MAPRE3: variants seen among roughly 807,000 people sequenced by gnomAD.
MAPRE3 encodes microtubule-associated protein RP/EB family member 3.
Under a neutral mutation model 30.5 loss-of-function variants are expected in MAPRE3, and 2 were observed. The ratio of observed to expected loss-of-function variants is 0.07; its 90% CI spans 0.03 to 0.21. MAPRE3 has a LOEUF of 0.21. MAPRE3 is among the 10% of genes least tolerant of loss of function. The pLI, the probability that MAPRE3 is intolerant of heterozygous loss-of-function variation, is 1.00. For synonymous variants in MAPRE3, 110 were observed against 127.7 expected (o/e 0.86, Z 0.93); for missense variants, 204 against 351.8 (o/e 0.58, Z 3.36).
At chr2:26,993,128 G>A (rs1666383750) in intron 1 of MAPRE3, among the ~76,000 whole-genome samples, 1 of 152,128 alleles carries the variant, frequency 6.6e-6, no homozygotes, top group Admixed American at 6.5e-5. Flanking sequence ...CCAGCACTTT[G>A]GAAGCCAAGG....
At chr2:27,005,083 GA>G (rs1231041806) in intron 1 of MAPRE3, among the ~76,000 whole-genome samples, 1 of 152,026 alleles carries the variant, frequency 6.6e-6, no homozygotes, top group Non-Finnish European at 1.5e-5. Context: ...AACTTCTGGG[GA>G]AAAAATGAAA....
chr2:27,007,426 C>G (rs1016897474), intron 1 of MAPRE3, among the ~76,000 whole-genome samples: 5 of 152,196 alleles, frequency 3.3e-5, no homozygotes, highest in Non-Finnish European at 5.9e-5. Flanking sequence ...TTTTGAATGG[C>G]CTGTGGTCTG....
chr2:26,991,121 G>A (rs947935007), intron 1 of MAPRE3, among the ~76,000 whole-genome samples: 5 of 152,244 alleles, frequency 3.3e-5, no homozygotes, highest in African/African-American at 1.2e-4. Context: ...AGGCGTGGTG[G>A]TGGGCGCCTG....
intron 1 of MAPRE3, among the ~76,000 whole-genome samples, chr2:26,995,825 G>GTGTGTGTGTGTGTGTGTGTGTGTGTGTA (rs1473997599): frequency 1.3e-5 from 2 of 149,226 alleles, no homozygotes; most frequent in East Asian, 4.2e-4. Flanking sequence ...GTGTGTGTGT[G>GTGTGTGTGTGTGTGTGTGTGTGTGTGTA]TGTGTATGTG....
intron 1 of MAPRE3, among the ~76,000 whole-genome samples, chr2:26,975,701 T>C (rs1352561987): frequency 6.6e-6 from 1 of 152,230 alleles, no homozygotes; most frequent in African/African-American, 2.4e-5. Context: ...CTTTAGTCAT[T>C]TAATGAAGAC....
At chr2:27,023,206 A>G (rs1667148572) in intron 2 of MAPRE3, 126 bp from the exon 3 acceptor site, 4 of 1,011,924 alleles carry the variant, frequency 4.0e-6, no homozygotes, top group Admixed American at 2.8e-5. Context: ...GTCTATCCTG[A>G]AAGTAGGACT....
chr2:26,994,453 GACCAGAAT>G (rs1348968349), intron 1 of MAPRE3, among the ~76,000 whole-genome samples: 1 of 152,160 alleles, frequency 6.6e-6, no homozygotes, highest in Non-Finnish European at 1.5e-5. Context: ...TCATCCTAGT[GACCAGAAT>G]ACCAATTCCA....
rs1175991309 is a variant in MAPRE3, at chr2:27,022,271, A to G, written c.53A>G (p.His18Arg). 1.9e-6 allele frequency: 3 copies of G among 1,614,198 alleles called. No individual in the cohort carries two copies. The highest frequency in any genetic ancestry group is 2.5e-6 in the Non-Finnish European group (3 of 1,180,038). ...TSVTSENLSR[H>R]DMLAWVNDSL... ...GTGACCAGTGAAAATCTGAGTCGCC[A>G]TGATATGCTTGCATGGGTCAACGAC... Residue 18 changes from histidine to arginine, a missense_variant, in exon 2 of 7, where the codon CAT (histidine) becomes CGT (arginine). By Grantham distance (29) the His-to-Arg change is conservative (BLOSUM62 0). Coordinates refer to ENST00000233121, the MANE Select transcript of MAPRE3 (RefSeq NM_012326.4).
chr2:27,021,574 G>A (rs181935700), intron 1 of MAPRE3, among the ~76,000 whole-genome samples: 58 of 152,292 alleles, frequency 3.8e-4, no homozygotes, highest in African/African-American at 1.3e-3. Context: ...GGTTACTGTC[G>A]CTTAAAACCC....
At chr2:26,995,766 GTCTT>G (rs1666438353) in intron 1 of MAPRE3, among the ~76,000 whole-genome samples, 1 of 133,466 alleles carries the variant, frequency 7.5e-6, no homozygotes, top group African/African-American at 2.8e-5. Flanking sequence ...ATACCTGAGG[GTCTT>G]TCTAAGAGAG....
intron 1 of MAPRE3, among the ~76,000 whole-genome samples, chr2:27,000,545 C>T (rs181784365): frequency 4.6e-4 from 70 of 152,310 alleles, no homozygotes; most frequent in Non-Finnish European, 9.1e-4. Flanking sequence ...AAATAACTTG[C>T]CATTTTTTAC....
chr2:27,005,979 G>C (rs1666717418), intron 1 of MAPRE3, among the ~76,000 whole-genome samples: 1 of 152,094 alleles, frequency 6.6e-6, no homozygotes, highest in East Asian at 1.9e-4. Context: ...TCAGGAGATC[G>C]AGATCATCCT....
intron 1 of MAPRE3, among the ~76,000 whole-genome samples, chr2:26,975,607 G>A (rs761381942): frequency 9.9e-5 from 15 of 152,218 alleles, no homozygotes; most frequent in African/African-American, 2.7e-4. Context: ...TGGGATTTGG[G>A]TGTGGGGAAG....
intron 1 of MAPRE3, among the ~76,000 whole-genome samples, chr2:26,987,290 A>G (rs971317220): frequency 1.2e-4 from 19 of 152,196 alleles, no homozygotes; most frequent in African/African-American, 4.3e-4. Flanking sequence ...CGACTGAGGA[A>G]GAGAATTAAC....
Position 27,024,039 on chromosome 2 carries a change from A to G in MAPRE3, c.268-57A>G, listed in dbSNP as rs923662431. ...TGAGAGCAGTGGCCCTCAGCAGAGGAAGGCGGTCCTACAGCAGCAGGTGGC... is the reference window on the plus strand; with the variant it reads ...TGAGAGCAGTGGCCCTCAGCAGAGGGAGGCGGTCCTACAGCAGCAGGTGGC... On this transcript the variant is annotated intron_variant, in intron 3 of 6. Transcript: ENST00000233121. The G allele has an allele frequency of 2.2e-6, 3 of 1,382,676 alleles. No homozygotes were observed. The African/African-American group carries it at 4.3e-5, about 20-fold the overall frequency. 85.7% of individuals were successfully genotyped at this position (1,382,676 alleles called of 1,614,324 possible).
intron 1 of MAPRE3, among the ~76,000 whole-genome samples, chr2:26,973,273 C>T (rs1229422909): frequency 1.3e-5 from 2 of 152,168 alleles, no homozygotes; most frequent in Admixed American, 6.5e-5. Context: ...TCTGACCTAC[C>T]GTCCTGAGAG....
intron 1 of MAPRE3, among the ~76,000 whole-genome samples, chr2:27,019,679 C>G (rs756843551): frequency 1.3e-4 from 20 of 152,102 alleles, no homozygotes; most frequent in Non-Finnish European, 2.5e-4. Flanking sequence ...TAGGCGCTCC[C>G]AAGACAATAA....
chr2:26,990,729 T>C (rs904686872), intron 1 of MAPRE3, among the ~76,000 whole-genome samples: 7 of 152,238 alleles, frequency 4.6e-5, no homozygotes, highest in Admixed American at 1.3e-4. Context: ...TTTTTATAAT[T>C]TTTTGAATTT....
Position 27,023,831 on chromosome 2 carries a change from C to T in MAPRE3, c.268-265C>T, listed in dbSNP as rs1667166980. 5.8e-6 allele frequency: 3 copies of T among 513,980 alleles called. No homozygotes were observed. The Admixed American group carries it at 9.7e-5, about 17-fold the overall frequency. 31.8% of individuals were successfully genotyped at this position (513,980 alleles called of 1,614,324 possible). A position where few individuals can be genotyped will look rare whatever the true frequency, so the allele number is the denominator to read the frequency against. ...GCCTCGGTGGCTGCAGACCCCCAGC[C>T]CACACGCAGGCAGTAGAGCCAAGGG... On this transcript the variant is annotated intron_variant, in intron 3 of 6. Transcript: ENST00000233121.
Sources: gnomAD v4.1 joint callset for allele counts (sites outside exome capture counted in the v4.1 genomes callset) on GRCh38, gnomAD v4.1.1 for gene constraint, MANE v1.5 for transcripts, NCBI Gene and HGNC (gene_info 2026-07-23, HGNC 2026-07-21) for gene names.